MYO6: variants seen among roughly 807,000 people sequenced by gnomAD.
MYO6 encodes myosin VI.
MYO6 carries 74 observed loss-of-function variants against 178.7 expected under a neutral mutation model. That is an observed-to-expected ratio of 0.41 (90% confidence interval 0.34 to 0.50). MYO6 has a LOEUF of 0.50. MYO6 is among the 20% of genes least tolerant of loss of function. MYO6 has a pLI of 0.09. For missense variants in MYO6, 1,330 were observed against 1,547.4 expected, an observed-to-expected ratio of 0.86 and a Z score of 2.36; for synonymous variants, 477 against 504.6, an observed-to-expected ratio of 0.95 and a Z score of 0.73.
chr6:75,871,855 T>A (rs1777178745), intron 19 of MYO6, among the ~76,000 whole-genome samples: 1 of 152,130 alleles, frequency 6.6e-6, no homozygotes, highest in African/African-American at 2.4e-5. Context: ...CCGGGTGCCA[T>A]GGCTTATGCT....
At chr6:75,821,383 A>G (rs1231516100) in intron 2 of MYO6, among the ~76,000 whole-genome samples, 1 of 152,206 alleles carries the variant, frequency 6.6e-6, no homozygotes, top group Non-Finnish European at 1.5e-5. Flanking sequence ...TAGAATCATT[A>G]TTATAAATTG....
chr6:75,778,382 C>G (rs893097012), intron 1 of MYO6, among the ~76,000 whole-genome samples: 4 of 151,982 alleles, frequency 2.6e-5, no homozygotes, highest in Non-Finnish European at 5.9e-5. Flanking sequence ...ATCATGAGGT[C>G]AGGAGATTGA....
At chr6:75,853,189 T>G (rs890440053) in intron 11 of MYO6, among the ~76,000 whole-genome samples, 4 of 152,218 alleles carry the variant, frequency 2.6e-5, no homozygotes, top group Non-Finnish European at 5.9e-5. Flanking sequence ...TGGGTTGTCT[T>G]TTTATTACCA....
intron 1 of MYO6, among the ~76,000 whole-genome samples, chr6:75,765,913 A>C (rs1778375323): frequency 6.6e-6 from 1 of 152,098 alleles, no homozygotes; most frequent in Admixed American, 6.5e-5. Flanking sequence ...CTGTAGTTCC[A>C]GCTATTTTGG....
At chr6:75,810,006 C>T (rs891398424) in intron 1 of MYO6, among the ~76,000 whole-genome samples, 2 of 150,172 alleles carry the variant, frequency 1.3e-5, no homozygotes, top group African/African-American at 4.9e-5. Flanking sequence ...ATTGCTTGAA[C>T]CCTGGAGGCG....
rs72654789 is a variant in MYO6 at position 75,873,093 on chromosome 6, T to C, written c.1984-114T>C. On this transcript the variant is annotated intron_variant, in intron 19 of 34. Coordinates refer to ENST00000369977, the MANE Select transcript of MYO6 (RefSeq NM_004999.4). Reference sequence around the variant, plus strand: ...CAGCCTTGAGTTCTTTAGTAATTACTTTTACAGGTTCATATGTTAATGTTA... The same window carrying C: ...CAGCCTTGAGTTCTTTAGTAATTACCTTTACAGGTTCATATGTTAATGTTA... 12,928 of 853,844 alleles carry C rather than the reference T, an allele frequency of 0.015. 610 individuals carry two copies. The highest frequency in any genetic ancestry group is 0.15 in the East Asian group (5,636 of 37,400). The allele number at this position is 853,844 out of a possible 1,614,324, so 52.9% of individuals were successfully genotyped here.
intron 18 of MYO6, among the ~76,000 whole-genome samples, chr6:75,869,438 C>T (rs539358415): frequency 2.6e-5 from 4 of 152,218 alleles, no homozygotes; most frequent in Non-Finnish European, 2.9e-5. Flanking sequence ...CTTGGATTGT[C>T]ATGTTCTATC....
At chr6:75,866,892 C>A (rs767960268) in intron 17 of MYO6, 40 bp from the exon 18 acceptor site, 1 of 1,599,150 alleles carries the variant, frequency 6.3e-7, no homozygotes, top group Non-Finnish European at 8.6e-7. Flanking sequence ...GATGTTATCA[C>A]AAGATGGACA....
chr6:75,822,904 T>TTAAAAAAA, intron 3 of MYO6, 53 bp downstream of exon 3: 1 of 1,413,042 alleles, frequency 7.1e-7, no homozygotes, highest in Non-Finnish European at 1.0e-6. Flanking sequence ...GACTGTTCTT[T>TTAAAAAAA]TAAAAAAATA....
intron 32 of MYO6, among the ~76,000 whole-genome samples, chr6:75,910,061 A>C (rs1780646486): frequency 6.6e-6 from 1 of 152,124 alleles, no homozygotes; most frequent in Non-Finnish European, 1.5e-5. Flanking sequence ...ACTTGTAACC[A>C]AGAAGTGGCA....
chr6:75,850,630 C>G (rs1471516731), intron 11 of MYO6, among the ~76,000 whole-genome samples: 1 of 152,186 alleles, frequency 6.6e-6, no homozygotes, highest in Non-Finnish European at 1.5e-5. Context: ...TGCAACATAA[C>G]ATAGTGGATG....
At chr6:75,844,308 TA>T (rs1255238795) in intron 9 of MYO6, among the ~76,000 whole-genome samples, 2 of 152,118 alleles carry the variant, frequency 1.3e-5, no homozygotes, top group Non-Finnish European at 2.9e-5. Context: ...GTAAGTGAAG[TA>T]AATCACTGAA....
intron 1 of MYO6, among the ~76,000 whole-genome samples, chr6:75,765,635 CT>C (rs1778351912): frequency 6.6e-6 from 1 of 152,008 alleles, no homozygotes; most frequent in Admixed American, 6.6e-5. Context: ...CTAGTCCCAC[CT>C]ACTCAGGAGG....
chr6:75,854,803 A>T (rs1775594211), intron 11 of MYO6, among the ~76,000 whole-genome samples: 1 of 152,186 alleles, frequency 6.6e-6, no homozygotes, highest in Non-Finnish European at 1.5e-5. Context: ...TAATGATGAG[A>T]TACTCTATTT....
In MYO6 at chr6:75,907,474, A is replaced by G; in HGVS notation, c.3177-131A>G. 4.2e-6 allele frequency: 3 copies of G among 720,878 alleles called. No individual in the cohort carries two copies. In the South Asian group the frequency reaches 4.8e-5, roughly 12 times the overall value. The allele number at this position is 720,878 out of a possible 1,614,324, so 44.7% of individuals were successfully genotyped here. ...TATGCCATTCTTAATCTCATCTGTC[A>G]AAGAAACAAAAATTATGTTTTTCTA... On this transcript the variant is annotated intron_variant, in intron 30 of 34. Transcript: ENST00000369977.
rs1431902975 is a variant in MYO6, at chr6:75,919,197, T to G, written c.*4185T>G. Reference sequence around the variant, plus strand: ...ATTGCATAGTGGTAAAATGTGGGCTTTTAGTGTACCTAACACCCAGAGAAG... The same window carrying G: ...ATTGCATAGTGGTAAAATGTGGGCTGTTAGTGTACCTAACACCCAGAGAAG... On this transcript the variant is annotated 3_prime_UTR_variant, in exon 35 of 35. Coordinates refer to ENST00000369977, the MANE Select transcript of MYO6 (RefSeq NM_004999.4). 1 of 152,194 alleles carries G rather than the reference T, an allele frequency of 6.6e-6. No homozygotes were observed. The highest frequency in any genetic ancestry group is 1.5e-5 in the Non-Finnish European group (1 of 68,054). The allele number at this position is 152,194 out of a possible 1,614,324, so 9.4% of individuals were successfully genotyped here.
intron 1 of MYO6, among the ~76,000 whole-genome samples, chr6:75,753,668 G>T (rs1485641425): frequency 6.6e-6 from 1 of 151,898 alleles, no homozygotes; most frequent in Admixed American, 6.6e-5. Context: ...TTGCCATGTT[G>T]CCCAGGCTGG....
chr6:75,903,531 A>C (rs578138717), intron 30 of MYO6, among the ~76,000 whole-genome samples: 81 of 152,116 alleles, frequency 5.3e-4, no homozygotes, highest in Non-Finnish European at 1.0e-3. Context: ...CTGTTTTATC[A>C]GAGACTAGGA....
intron 18 of MYO6, chr6:75,867,371 G>C: frequency 6.2e-6 from 2 of 324,412 alleles, no homozygotes; most frequent in South Asian, 6.9e-5. Flanking sequence ...TCTGCATACT[G>C]TCTGGTTGAC....
Sources: allele counts gnomAD v4.1 joint callset (sites outside exome capture counted in the v4.1 genomes callset), GRCh38; gene constraint gnomAD v4.1.1; transcripts MANE v1.5; gene names NCBI Gene and HGNC (gene_info 2026-07-23, HGNC 2026-07-21).